YPEL2: variants seen among roughly 807,000 people sequenced by gnomAD.
YPEL2 encodes the protein yippee like 2, also known as protein yippee-like 2.
A neutral mutation model predicts 19.1 loss-of-function variants in YPEL2; 2 were observed. The ratio of observed to expected loss-of-function variants is 0.10; its 90% CI spans 0.04 to 0.33. YPEL2 has a LOEUF of 0.33. Among genes scored for constraint, YPEL2 ranks in the 10% least tolerant of loss-of-function variants. YPEL2 has a pLI of 1.00. For missense variants in YPEL2, 66 were observed against 140.7 expected, an observed-to-expected ratio of 0.47 and a Z score of 2.68; for synonymous variants, 52 against 50.0, an observed-to-expected ratio of 1.04 and a Z score of -0.17.
chr17:59,371,201 G>A (rs1230060371), intron 2 of YPEL2, among the ~76,000 whole-genome samples: 2 of 152,200 alleles, frequency 1.3e-5, no homozygotes, highest in Non-Finnish European at 2.9e-5. Context: ...TTTCGGCTTA[G>A]CTTTCCCACC....
Position 59,332,978 on chromosome 17 carries a change from T to C in YPEL2, c.-196+1154T>C, listed in dbSNP as rs115651651. Among the ~76,000 whole-genome samples the C allele has an allele frequency of 5.7e-3, 869 of 152,314 alleles. 9 individuals are homozygous for C. The highest frequency in any genetic ancestry group is 0.02 in the African/African-American group (822 of 41,562). Reference sequence around the variant, plus strand: ...CCTTGTTCTTCCTTGTTCCAAAGCATTGGGCAAGAAGGGTAGCGGTCAGCT... The same window carrying C: ...CCTTGTTCTTCCTTGTTCCAAAGCACTGGGCAAGAAGGGTAGCGGTCAGCT... On this transcript the variant is annotated intron_variant, in intron 1 of 4. Transcript: ENST00000312655.
chr17:59,333,898 G>A (rs1306842974), intron 1 of YPEL2, among the ~76,000 whole-genome samples: 2 of 152,190 alleles, frequency 1.3e-5, no homozygotes, highest in African/African-American at 4.8e-5. Flanking sequence ...AGTGGGAACT[G>A]GAGGCAGTGA....
intron 4 of YPEL2, among the ~76,000 whole-genome samples, chr17:59,395,178 C>A (rs1206984971): frequency 6.6e-6 from 1 of 152,098 alleles, no homozygotes; most frequent in Non-Finnish European, 1.5e-5. Context: ...GGACCTTATT[C>A]CCAAAACACA....
At chr17:59,367,906 C>T (rs1390009585) in intron 2 of YPEL2, among the ~76,000 whole-genome samples, 1 of 152,094 alleles carries the variant, frequency 6.6e-6, no homozygotes, top group African/African-American at 2.4e-5. Context: ...GTCTGTGGCA[C>T]CATTTGAAAA....
chr17:59,359,936 G>C (rs554055223), intron 2 of YPEL2, among the ~76,000 whole-genome samples: 4 of 152,326 alleles, frequency 2.6e-5, no homozygotes, highest in African/African-American at 7.2e-5. Context: ...GTCTCACTCT[G>C]TTGCCCAGGC....
At chr17:59,350,177 C>A (rs1056389853) in intron 1 of YPEL2, among the ~76,000 whole-genome samples, 5 of 151,494 alleles carry the variant, frequency 3.3e-5, no homozygotes, top group Admixed American at 2.0e-4. Context: ...CTCAAGTAAT[C>A]CTCTGGCCTC....
chr17:59,347,847 A>G (rs1313151296), intron 1 of YPEL2, among the ~76,000 whole-genome samples: 1 of 152,212 alleles, frequency 6.6e-6, no homozygotes, highest in Non-Finnish European at 1.5e-5. Flanking sequence ...ATAAATAGGA[A>G]AGAGGAAAAA....
chr17:59,386,289 T>C (rs2047979876), intron 2 of YPEL2, among the ~76,000 whole-genome samples: 1 of 150,332 alleles, frequency 6.7e-6, no homozygotes, highest in Admixed American at 6.6e-5. Context: ...GTCACACCAC[T>C]GCACTCCAGC....
chr17:59,349,030 C>T (rs796430769), intron 1 of YPEL2, among the ~76,000 whole-genome samples: 14 of 151,900 alleles, frequency 9.2e-5, no homozygotes, highest in African/African-American at 1.5e-4. Context: ...AAAAGTTAGC[C>T]GGGCGTAGTG....
chr17:59,357,271 T>A (rs2147941933), intron 2 of YPEL2, among the ~76,000 whole-genome samples: 1 of 152,296 alleles, frequency 6.6e-6, no homozygotes, highest in East Asian at 1.9e-4. Flanking sequence ...CCAACTAGTT[T>A]TAGTTTGGCT....
intron 2 of YPEL2, among the ~76,000 whole-genome samples, chr17:59,381,036 A>G (rs961512149): frequency 6.6e-6 from 1 of 152,214 alleles, no homozygotes; most frequent in Non-Finnish European, 1.5e-5. Flanking sequence ...GAGGAGAGGT[A>G]GGGACTTTTT....
At chr17:59,341,090 T>C (rs1033722899) in intron 1 of YPEL2, among the ~76,000 whole-genome samples, 6 of 138,424 alleles carry the variant, frequency 4.3e-5, no homozygotes, top group Non-Finnish European at 7.8e-5. Flanking sequence ...TTTGAGATGC[T>C]GAGGCGGGCA....
At position 59,373,430 on chromosome 17, in the gene YPEL2, C is replaced by T. The variant is rs139802213; in HGVS notation, c.118-14897C>T. 2.4e-4 allele frequency among the ~76,000 whole-genome samples: 36 copies of T among 152,280 alleles called. 1 individual carries two copies. In the East Asian group the frequency reaches 6.8e-3, roughly 29 times the overall value. ...TCTGCTGTGATCAGCCCTCCTACAGCGCTCTCATCTCCTCCTGTCCCATCC... is the reference window on the plus strand; with the variant it reads ...TCTGCTGTGATCAGCCCTCCTACAGTGCTCTCATCTCCTCCTGTCCCATCC... On this transcript the variant is annotated intron_variant, in intron 2 of 4. Transcript: ENST00000312655.
chr17:59,368,779 A>G (rs569703702), intron 2 of YPEL2, among the ~76,000 whole-genome samples: 26 of 152,174 alleles, frequency 1.7e-4, no homozygotes, highest in Non-Finnish European at 3.5e-4. Context: ...CAAAGGAGTG[A>G]TAGGATTTTA....
At chr17:59,356,428 C>G (rs1310715960) in intron 2 of YPEL2, 1 of 152,216 alleles carries the variant, frequency 6.6e-6, no homozygotes, top group East Asian at 1.9e-4. Flanking sequence ...GTGCCTAAGC[C>G]TACATGGAAA....
chr17:59,335,915 T>A (rs1228229077), intron 1 of YPEL2, among the ~76,000 whole-genome samples: 2 of 152,174 alleles, frequency 1.3e-5, no homozygotes, highest in Non-Finnish European at 2.9e-5. Context: ...GACGGACCAG[T>A]TATCTAGAAC....
chr17:59,363,405 T>A (rs1340802125), intron 2 of YPEL2: 1 of 152,224 alleles, frequency 6.6e-6, no homozygotes, highest in Non-Finnish European at 1.5e-5. Context: ...CCTTTTGGGT[T>A]CGAGCAATTC....
At chr17:59,376,624 TGA>T (rs1181554819) in intron 2 of YPEL2, among the ~76,000 whole-genome samples, 2 of 152,196 alleles carry the variant, frequency 1.3e-5, no homozygotes, top group South Asian at 2.1e-4. Flanking sequence ...TGTTTTTTGT[TGA>T]GAGGATTAAG....
intron 1 of YPEL2, among the ~76,000 whole-genome samples, chr17:59,350,466 G>A (rs1018268627): frequency 1.3e-5 from 2 of 152,166 alleles, no homozygotes; most frequent in Non-Finnish European, 2.9e-5. Flanking sequence ...AAAATGTAAG[G>A]CTTCTTGTCT....
Sources: gnomAD v4.1 joint callset for allele counts (sites outside exome capture counted in the v4.1 genomes callset) on GRCh38, gnomAD v4.1.1 for gene constraint, MANE v1.5 for transcripts, NCBI Gene and HGNC (gene_info 2026-07-23, HGNC 2026-07-21) for gene names.